The following WDR27 variants were observed in gnomAD, a reference collection of about 807,000 sequenced individuals.
WDR27 encodes the protein WD repeat-containing protein 27.
In WDR27, 100 loss-of-function variants were observed where a neutral mutation model predicts 114.4. The observed-to-expected ratio is 0.87, with a 90% CI of 0.74 to 1.03. The LOEUF is 1.03. Among genes scored for constraint, WDR27 ranks in the 50% least tolerant of loss-of-function variants. The probability of loss-of-function intolerance (pLI) is 0.00; values close to 1 mark genes in which losing one functional copy is unlikely to be tolerated. For synonymous variants in WDR27, 449 were observed against 423.1 expected, an observed-to-expected ratio of 1.06 and a Z score of -0.75; for missense variants, 1,129 against 1,092.9, an observed-to-expected ratio of 1.03 and a Z score of -0.47.
chr6:169,611,932 C>T lies in WDR27; in HGVS notation c.2321+1627G>A, dbSNP rs140514894. 8.8e-3 allele frequency among the ~76,000 whole-genome samples: 1,336 copies of T among 151,872 alleles called. 9 individuals are homozygous for T. Among genetic ancestry groups the T allele is most frequent in the African/African-American group, 0.03 (1,243 of 41,334 alleles). ...GGTGGATCACTTGAGGTCAGGAGTT[C>T]GAGACCAACCTAGCCAACATGGTGA... is the stretch of plus-strand genomic sequence containing the variant. On this transcript the variant is annotated intron_variant, in intron 22 of 25. Coordinates refer to ENST00000448612, the MANE Select transcript of WDR27 (RefSeq NM_182552.5).
chr6:169,631,929 G>C (rs1479024328), intron 21 of WDR27, among the ~76,000 whole-genome samples: 2 of 152,124 alleles, frequency 1.3e-5, no homozygotes, highest in Non-Finnish European at 2.9e-5. Context: ...GCTCACACCT[G>C]TAATCTCTGC....
intron 25 of WDR27, among the ~76,000 whole-genome samples, chr6:169,534,043 A>T (rs1323051929): frequency 1.3e-5 from 2 of 152,202 alleles, no homozygotes; most frequent in Non-Finnish European, 1.5e-5. Flanking sequence ...AGGTGGCTTT[A>T]TTAGGTTAAG....
intron 25 of WDR27, among the ~76,000 whole-genome samples, chr6:169,522,547 C>T (rs1280529175): frequency 1.3e-5 from 2 of 151,976 alleles, no homozygotes; most frequent in Non-Finnish European, 2.9e-5. Flanking sequence ...GAACATTCTA[C>T]AGAACAGATC....
chr6:169,631,531 G>T (rs1041134317), intron 21 of WDR27, among the ~76,000 whole-genome samples: 3 of 152,124 alleles, frequency 2.0e-5, no homozygotes, highest in African/African-American at 7.2e-5. Flanking sequence ...CACGGAGGTG[G>T]AATTCGCTTC....
chr6:169,438,643 A>G, the WDR27 span, among the ~76,000 whole-genome samples: 1 of 152,176 alleles, frequency 6.6e-6, no homozygotes, highest in Non-Finnish European at 1.5e-5. Context: ...TCTTGGACAC[A>G]TACTCTCGCA....
In WDR27 at chr6:169,521,457, G is replaced by A. The variant is rs1273972870; in HGVS notation, c.2645+50962C>T. Among the ~76,000 whole-genome samples, 8 of 151,992 alleles carry A rather than the reference G, an allele frequency of 5.3e-5. No individual in the cohort carries two copies. In the South Asian group the frequency reaches 8.3e-4, roughly 16 times the overall value. On this transcript the variant is annotated intron_variant, in intron 25 of 25. Transcript: ENST00000448612. ...AACATGCAAGAAGAAAGCATTTCAA[G>A]GTATTAAACCCACTGATACAATTTA...
At position 169,688,897 on chromosome 6, in the gene WDR27, C is replaced by A; in HGVS notation, c.109G>T (p.Ala37Ser). The change falls in exon 2 of 26, where the codon GCT (alanine) becomes TCT (serine). Residue 37 changes from alanine to serine, a missense_variant. Physicochemically the swap from Ala to Ser is moderately conservative, Grantham distance 99. Coordinates refer to ENST00000448612, the MANE Select transcript of WDR27 (RefSeq NM_182552.5). Reference protein sequence around the residue: ...SKESVSHVQLACSMQDCAFPL... With the variant: ...SKESVSHVQLSCSMQDCAFPL... ...AAAGCACAGTCCTGCATGCTGCAAG[C>A]AAGCTGAACATGAGACACAGACTCC... 1 of 1,613,904 alleles carries A rather than the reference C, an allele frequency of 6.2e-7. No individual in the cohort carries two copies. Among genetic ancestry groups the A allele is most frequent in the Non-Finnish European group, 8.5e-7 (1 of 1,179,860 alleles).
intron 25 of WDR27, among the ~76,000 whole-genome samples, chr6:169,557,270 A>T (rs1799034376): frequency 6.6e-6 from 1 of 152,252 alleles, no homozygotes; most frequent in African/African-American, 2.4e-5. Context: ...CATTACACAG[A>T]GGCCAAGCAG....
At chr6:169,633,970 T>A (rs1817057922) in intron 20 of WDR27, among the ~76,000 whole-genome samples, 1 of 152,130 alleles carries the variant, frequency 6.6e-6, no homozygotes, top group Admixed American at 6.6e-5. Context: ...GATCTGGAGC[T>A]TTTCCCCTAA....
chr6:169,696,836 C>A (rs1388180318), intron 1 of WDR27, among the ~76,000 whole-genome samples: 1 of 152,202 alleles, frequency 6.6e-6, no homozygotes, highest in Admixed American at 6.5e-5. Context: ...ATCACTTGAA[C>A]CCGGGAGGCG....
intron 23 of WDR27, among the ~76,000 whole-genome samples, chr6:169,598,441 T>A (rs1807266775): frequency 6.6e-6 from 1 of 152,146 alleles, no homozygotes; most frequent in Non-Finnish European, 1.5e-5. Context: ...AACTCACCCT[T>A]TGTAAGGACC....
At chr6:169,528,091 A>G (rs946132531) in intron 25 of WDR27, among the ~76,000 whole-genome samples, 3 of 152,210 alleles carry the variant, frequency 2.0e-5, no homozygotes, top group Admixed American at 6.5e-5. Context: ...CACAAGGATT[A>G]AGTTCCAAAT....
intron 22 of WDR27, among the ~76,000 whole-genome samples, chr6:169,609,142 G>A (rs1248649163): frequency 2.0e-5 from 3 of 152,186 alleles, no homozygotes; most frequent in Non-Finnish European, 4.4e-5. Context: ...CTCCCTCCCA[G>A]CTGCTTTCAC....
At chr6:169,481,896 G>A (rs527848280) in intron 25 of WDR27, among the ~76,000 whole-genome samples, 1 of 152,208 alleles carries the variant, frequency 6.6e-6, no homozygotes, top group Non-Finnish European at 1.5e-5. Flanking sequence ...GTGAGGGTCC[G>A]CGGCTTCATT....
chr6:169,517,714 T>G (rs1793851345), intron 25 of WDR27, among the ~76,000 whole-genome samples: 1 of 152,218 alleles, frequency 6.6e-6, no homozygotes. Context: ...TTCTACATTT[T>G]TGAAGGATCA....
At position 169,691,332 on chromosome 6, in the gene WDR27, T is replaced by A. The variant is rs117687875; in HGVS notation, c.-7-2320A>T. Among the ~76,000 whole-genome samples, 787 of 152,306 alleles carry A rather than the reference T, an allele frequency of 5.2e-3. 3 individuals carry two copies. The highest frequency in any genetic ancestry group is 8.9e-3 in the Non-Finnish European group (606 of 68,030). On this transcript the variant is annotated intron_variant, in intron 1 of 25. Transcript: ENST00000448612. ...TGTACATTATTTTAAAGCAAATTTG[T>A]CTCCAATTCACAATTTTTATCTCAC...
At chr6:169,463,561 T>C (rs1026712754) in intron 25 of WDR27, among the ~76,000 whole-genome samples, 1 of 152,144 alleles carries the variant, frequency 6.6e-6, no homozygotes, top group Non-Finnish European at 1.5e-5. Context: ...GCATGCAAAA[T>C]AAATTAAAAG....
At chr6:169,538,596 A>C (rs892525653) in intron 25 of WDR27, among the ~76,000 whole-genome samples, 1 of 151,692 alleles carries the variant, frequency 6.6e-6, no homozygotes, top group Non-Finnish European at 1.5e-5. Flanking sequence ...TTTTCATTCC[A>C]GGAAAACTCA....
intron 25 of WDR27, among the ~76,000 whole-genome samples, chr6:169,511,546 A>G (rs1471532609): frequency 3.3e-5 from 5 of 150,296 alleles, no homozygotes; most frequent in African/African-American, 1.2e-4. Flanking sequence ...AGAAAATTAC[A>G]CTCAGTTTTT....
Sources: allele counts gnomAD v4.1 joint callset (sites outside exome capture counted in the v4.1 genomes callset), GRCh38; gene constraint gnomAD v4.1.1; transcripts MANE v1.5; gene names NCBI Gene and HGNC (gene_info 2026-07-23, HGNC 2026-07-21).